KCNAB1: variants seen among roughly 807,000 people sequenced by gnomAD.
KCNAB1 encodes potassium voltage-gated channel subfamily A regulatory beta subunit 1.
Under a neutral mutation model 64.6 loss-of-function variants are expected in KCNAB1, and 35 were observed. The observed-to-expected ratio is 0.54, with a 90% confidence interval of 0.41 to 0.72. The LOEUF (loss-of-function observed/expected upper bound fraction) is 0.72. Among genes scored for constraint, KCNAB1 ranks in the 30% least tolerant of loss-of-function variants. KCNAB1 has a pLI of 0.00. For missense variants in KCNAB1, 401 were observed against 512.9 expected (o/e 0.78, Z 2.11); for synonymous variants, 177 against 183.8 (o/e 0.96, Z 0.30).
chr3:156,273,945 A>G lies in KCNAB1; in HGVS notation c.276-147671A>G, dbSNP rs186957096. Among the ~76,000 whole-genome samples, 878 of 152,318 alleles carry G rather than the reference A, an allele frequency of 5.8e-3. 3 individuals carry two copies. The highest frequency in any genetic ancestry group is 0.014 in the Middle Eastern group (4 of 292). On this transcript the variant is annotated intron_variant, in intron 1 of 13. Transcript: ENST00000490337. ...AATATACAGCTAGTCATCCATGAAT[A>G]TCTGTGTACTCCCCAGGTAAGAAGT...
intron 2 of KCNAB1, among the ~76,000 whole-genome samples, chr3:156,438,965 G>A (rs1039596307): frequency 5.9e-5 from 9 of 152,050 alleles, no homozygotes; most frequent in Non-Finnish European, 1.0e-4. Flanking sequence ...AGTGAGCCGA[G>A]GTTGTGCCAT....
chr3:156,458,923 A>G (rs768091820), intron 4 of KCNAB1, among the ~76,000 whole-genome samples: 6 of 152,334 alleles, frequency 3.9e-5, no homozygotes, highest in Non-Finnish European at 8.8e-5. Context: ...AGCAACACCA[A>G]TGTAAGACTC....
chr3:156,356,685 T>C (rs886298362), intron 1 of KCNAB1, among the ~76,000 whole-genome samples: 13 of 152,218 alleles, frequency 8.5e-5, no homozygotes, highest in Admixed American at 7.9e-4. Context: ...TACAGTTATC[T>C]TGGGGATTTG....
intron 7 of KCNAB1, among the ~76,000 whole-genome samples, chr3:156,467,215 G>A (rs1488218968): frequency 6.6e-6 from 1 of 152,008 alleles, no homozygotes; most frequent in African/African-American, 2.4e-5. Context: ...AAAACAGAAT[G>A]TTGTATGGAA....
At chr3:156,346,334 G>A (rs1724479995) in intron 1 of KCNAB1, among the ~76,000 whole-genome samples, 1 of 152,090 alleles carries the variant, frequency 6.6e-6, no homozygotes, top group Non-Finnish European at 1.5e-5. Context: ...ATATGTGGTA[G>A]GAGAAAAACT....
chr3:156,524,608 G>A (rs527478860), intron 12 of KCNAB1, among the ~76,000 whole-genome samples: 41 of 151,964 alleles, frequency 2.7e-4, no homozygotes, highest in Non-Finnish European at 4.6e-4. Flanking sequence ...TTAGCCGGGC[G>A]TGGTGGTGGG....
At chr3:156,225,272 A>T (rs1329176497) in intron 1 of KCNAB1, among the ~76,000 whole-genome samples, 3 of 152,244 alleles carry the variant, frequency 2.0e-5, no homozygotes, top group African/African-American at 7.2e-5. Context: ...AACATACACA[A>T]GTAAATAAAT....
At chr3:156,345,865 G>A (rs190888231) in intron 1 of KCNAB1, among the ~76,000 whole-genome samples, 5 of 152,282 alleles carry the variant, frequency 3.3e-5, no homozygotes, top group African/African-American at 9.6e-5. Context: ...GTAAATAAAT[G>A]AGGATGTCTT....
At chr3:156,352,591 G>C (rs1347403398) in intron 1 of KCNAB1, among the ~76,000 whole-genome samples, 1 of 152,148 alleles carries the variant, frequency 6.6e-6, no homozygotes, top group Non-Finnish European at 1.5e-5. Context: ...ACCTTACTCG[G>C]CCCTGGACAG....
intron 1 of KCNAB1, among the ~76,000 whole-genome samples, chr3:156,287,311 T>A (rs1720145875): frequency 1.4e-5 from 2 of 145,128 alleles, no homozygotes; most frequent in African/African-American, 2.6e-5. Flanking sequence ...TAGGAGTAAG[T>A]CATTATTTGG....
chr3:156,451,594 A>G (rs1305894861), intron 2 of KCNAB1, among the ~76,000 whole-genome samples: 1 of 152,074 alleles, frequency 6.6e-6, no homozygotes, highest in Non-Finnish European at 1.5e-5. Flanking sequence ...TCTTCCATAA[A>G]TGGTAGCTAG....
At chr3:156,501,117 G>A (rs1377806742) in intron 8 of KCNAB1, among the ~76,000 whole-genome samples, 3 of 152,146 alleles carry the variant, frequency 2.0e-5, no homozygotes, top group Admixed American at 2.0e-4. Flanking sequence ...AGTATGACAA[G>A]GGGAAAACAT....
intron 1 of KCNAB1, among the ~76,000 whole-genome samples, chr3:156,125,721 C>T (rs984826333): frequency 1.3e-5 from 2 of 152,156 alleles, no homozygotes; most frequent in African/African-American, 4.8e-5. Context: ...AAAGTGTTTA[C>T]TCACACTTGC....
intron 1 of KCNAB1, among the ~76,000 whole-genome samples, chr3:156,325,623 TAAC>T (rs1722924168): frequency 6.6e-6 from 1 of 151,690 alleles, no homozygotes; most frequent in Non-Finnish European, 1.5e-5. Context: ...GCGTTCAGCA[TAAC>T]ATGAAAGTCT....
chr3:156,303,874 G>A (rs1721316310), intron 1 of KCNAB1, among the ~76,000 whole-genome samples: 1 of 152,196 alleles, frequency 6.6e-6, no homozygotes, highest in African/African-American at 2.4e-5. Context: ...CAATGAAAAT[G>A]TTGGTTCATG....
chr3:156,327,440 C>G (rs1576729366), intron 1 of KCNAB1, among the ~76,000 whole-genome samples: 1 of 152,062 alleles, frequency 6.6e-6, no homozygotes, highest in African/African-American at 2.4e-5. Context: ...TAGCATCATA[C>G]TTTGAGAAAT....
At chr3:156,185,196 C>T (rs1713108008) in intron 1 of KCNAB1, among the ~76,000 whole-genome samples, 1 of 152,208 alleles carries the variant, frequency 6.6e-6, no homozygotes, top group Non-Finnish European at 1.5e-5. Context: ...AAAGCTCTTC[C>T]CCAGCTCATG....
intron 2 of KCNAB1, chr3:156,446,133 G>A (rs3821423): frequency 0.22 from 33,765 of 152,124 alleles, 7,170 homozygotes; most frequent in African/African-American, 0.56. Flanking sequence ...AAAGGCATGG[G>A]GAAGGTTTAG....
intron 12 of KCNAB1, among the ~76,000 whole-genome samples, chr3:156,529,838 A>G (rs1250318578): frequency 6.6e-6 from 1 of 152,224 alleles, no homozygotes; most frequent in African/African-American, 2.4e-5. Context: ...CAAGAAGGCC[A>G]GGCATTATAG....
Sources: allele counts gnomAD v4.1 joint callset (sites outside exome capture counted in the v4.1 genomes callset), GRCh38; gene constraint gnomAD v4.1.1; transcripts MANE v1.5; gene names NCBI Gene and HGNC (gene_info 2026-07-23, HGNC 2026-07-21).